Variants in MYCBP2 observed in about 807,000 individuals in gnomAD.
The protein encoded by MYCBP2 is E3 ubiquitin-protein ligase MYCBP2.
MYCBP2 carries 120 observed loss-of-function variants against 525.3 expected under a neutral mutation model. The observed-to-expected ratio is 0.23, with a 90% confidence interval of 0.20 to 0.27. The LOEUF (loss-of-function observed/expected upper bound fraction) is 0.27. Among genes scored for constraint, MYCBP2 ranks in the 10% least tolerant of loss-of-function variants. The probability of loss-of-function intolerance (pLI) is 1.00; values close to 1 mark genes in which losing one functional copy is unlikely to be tolerated. For synonymous variants in MYCBP2, 1,894 were observed against 1,955.8 expected (o/e 0.97, Z 0.83); for missense variants, 4,149 against 5,657.1 (o/e 0.73, Z 8.55).
chr13:77,129,128 A>G, intron 52 of MYCBP2: 1 of 397,520 alleles, frequency 2.5e-6, no homozygotes, highest in Non-Finnish European at 4.4e-6. Flanking sequence ...CCTGAATAAA[A>G]TATTATTGTT....
In MYCBP2 at chr13:77,205,260, A is replaced by C; in HGVS notation, c.3839T>G (p.Ile1280Ser). 6.3e-7 allele frequency: 1 copy of C among 1,585,034 alleles called. No homozygotes were observed. Residue 1280 changes from isoleucine (I) to serine (S), a missense_variant, in exon 26 of 83, where the codon ATT (isoleucine) becomes AGT (serine). Ile to Ser is a moderately radical substitution (Grantham distance 142). Transcript: ENST00000544440. ...AACATTGTTGATGAACTTTACCTTA[A>C]TTTTAGCAGTATATTCTCCTCTACC... The part of the protein sequence containing the change: ...FGGRGEYTAK[I>S]KLFELGPDGG...
chr13:77,111,573 T>G (rs2048828858), intron 55 of MYCBP2, among the ~76,000 whole-genome samples: 1 of 126,496 alleles, frequency 7.9e-6, no homozygotes, highest in African/African-American at 2.7e-5. Context: ...CAGCCCTCAA[T>G]GCTTGGCTAA....
rs761010651 is a variant in MYCBP2, at chr13:77,070,717, C to CA, written c.11824-7dup. Reference sequence around the variant, plus strand: ...AGGTCAGCATCTGATGTTGCCTTTACATAGAAAAAGAAAAAAAAAAAAAAG... The same window carrying CA: ...AGGTCAGCATCTGATGTTGCCTTTACAATAGAAAAAGAAAAAAAAAAAAAAG... On this transcript the variant is annotated splice_polypyrimidine_tract_variant and splice_region_variant and intron_variant, in intron 68 of 82. Transcript: ENST00000544440. 1.4e-6 allele frequency: 2 copies of CA among 1,455,590 alleles called. No individual in the cohort carries two copies. Among genetic ancestry groups the CA allele is most frequent in the Non-Finnish European group, 1.8e-6 (2 of 1,083,102 alleles). 90.2% of individuals were successfully genotyped at this position (1,455,590 alleles called of 1,614,324 possible).
In MYCBP2 at chr13:77,156,169, C is replaced by T; in HGVS notation, c.6804G>A (p.Gln2268=). Residue 2268 remains glutamine, a synonymous_variant, in exon 46 of 83, where the codon CAG becomes CAA. Coordinates refer to ENST00000544440, the MANE Select transcript of MYCBP2 (RefSeq NM_015057.5). ...CCTTATTCAGGATCAAAGATGTTTT[C>T]TGAGGATCCGCATATGAATCTGGCT... The part of the protein sequence containing the change: ...WLQPDSYADP[Q]KTSLILNKDD... 6.2e-7 allele frequency: 1 copy of T among 1,613,878 alleles called. No homozygotes were observed. Among genetic ancestry groups the T allele is most frequent in the African/African-American group, 1.3e-5 (1 of 75,036 alleles).
chr13:77,130,649 G>A (rs2052602553), intron 52 of MYCBP2, among the ~76,000 whole-genome samples: 1 of 152,072 alleles, frequency 6.6e-6, no homozygotes, highest in South Asian at 2.1e-4. Flanking sequence ...GCATTTTGAA[G>A]TGCTATGTTT....
At chr13:77,255,320 C>T (rs1469977887) in intron 14 of MYCBP2, among the ~76,000 whole-genome samples, 1 of 151,902 alleles carries the variant, frequency 6.6e-6, no homozygotes, top group Non-Finnish European at 1.5e-5. Flanking sequence ...TCTTACTTTA[C>T]TCATCTGCTT....
intron 62 of MYCBP2, 77 bp downstream of exon 62, chr13:77,087,407 C>G: frequency 1.6e-6 from 2 of 1,219,876 alleles, no homozygotes; most frequent in Non-Finnish European, 1.2e-6. Flanking sequence ...TGATTTCATG[C>G]AAATTATTGG....
intron 4 of MYCBP2, among the ~76,000 whole-genome samples, chr13:77,275,950 T>C (rs1421652219): frequency 1.3e-5 from 2 of 152,072 alleles, no homozygotes; most frequent in Non-Finnish European, 2.9e-5. Flanking sequence ...CACCACTGCA[T>C]TCCAGCCTGG....
chr13:77,256,759 G>T (rs1411225435), intron 14 of MYCBP2, among the ~76,000 whole-genome samples: 21 of 152,032 alleles, frequency 1.4e-4, no homozygotes. Context: ...GGAGAAAAGG[G>T]AACACTTGTA....
At chr13:77,261,471 AAAAT>A in intron 11 of MYCBP2, 96 bp from the exon 12 acceptor site, 3 of 914,162 alleles carry the variant, frequency 3.3e-6, no homozygotes, top group Non-Finnish European at 4.8e-6. Flanking sequence ...ATTTTATTGA[AAAAT>A]AAAATTCACA....
intron 51 of MYCBP2, among the ~76,000 whole-genome samples, chr13:77,139,601 T>C (rs1407373691): frequency 6.6e-6 from 1 of 152,170 alleles, no homozygotes; most frequent in Non-Finnish European, 1.5e-5. Context: ...TTAAGATACA[T>C]AAACAGTAAA....
intron 52 of MYCBP2, among the ~76,000 whole-genome samples, chr13:77,131,113 AATTCACACTGGTTTACCCTAAGATT>A (rs1211393267): frequency 3.3e-5 from 5 of 152,210 alleles, no homozygotes; most frequent in African/African-American, 4.8e-5. Context: ...GAAAATTCTT[AATTCACACTGGTTTACCCTAAGATT>A]ATTTTCAAAA....
At chr13:77,123,485 T>C (rs374723349) in intron 54 of MYCBP2, among the ~76,000 whole-genome samples, 4 of 152,240 alleles carry the variant, frequency 2.6e-5, no homozygotes, top group Non-Finnish European at 5.9e-5. Flanking sequence ...GAAGGCATTT[T>C]GCATTTTAAC....
Position 77,243,998 on chromosome 13 carries a change from C to T in MYCBP2, c.2382-47G>A, listed in dbSNP as rs745600920. The stretch of plus-strand genomic sequence containing the variant: ...AAAAAAAAAGACAACTGAGATATTC[C>T]TAATTTGTCTTTAAAACTCTTTTCT... On this transcript the variant is annotated intron_variant, in intron 15 of 82. Coordinates refer to ENST00000544440, the MANE Select transcript of MYCBP2 (RefSeq NM_015057.5). 5 of 1,461,132 alleles carry T rather than the reference C, an allele frequency of 3.4e-6. No homozygotes were observed. In the Admixed American group the frequency reaches 1.3e-4, roughly 38 times the overall value. The allele number at this position is 1,461,132 out of a possible 1,614,324, so 90.5% of individuals were successfully genotyped here. A position where few individuals can be genotyped will look rare whatever the true frequency, so the allele number is the denominator to read the frequency against.
At chr13:77,209,956 C>T (rs979323399) in intron 23 of MYCBP2, among the ~76,000 whole-genome samples, 1 of 152,162 alleles carries the variant, frequency 6.6e-6, no homozygotes, top group Non-Finnish European at 1.5e-5. Flanking sequence ...GATGAGAATG[C>T]AAGCAGGCAT....
intron 8 of MYCBP2, among the ~76,000 whole-genome samples, chr13:77,265,316 A>T (rs1489555340): frequency 6.6e-6 from 1 of 152,148 alleles, no homozygotes; most frequent in African/African-American, 2.4e-5. Context: ...TAAACTAAAA[A>T]GCAAAGAAGA....
chr13:77,291,054 T>C (rs112777445), intron 2 of MYCBP2, among the ~76,000 whole-genome samples: 8,564 of 152,254 alleles, frequency 0.056, 381 homozygotes, highest in Admixed American at 0.14. Context: ...TGTTCATGGA[T>C]TGGAAAATTC....
chr13:77,078,796 A>G (rs769134525), intron 66 of MYCBP2, 28 bp downstream of exon 66: 1 of 1,602,596 alleles, frequency 6.2e-7, no homozygotes, highest in Non-Finnish European at 8.5e-7. Flanking sequence ...CTAGGTAGCG[A>G]AACATTTAAT....
Position 77,058,278 on chromosome 13 carries a change from G to A in MYCBP2, c.13269C>T (p.Asp4423=), listed in dbSNP as rs756368403. 41 of 1,614,064 alleles carry A rather than the reference G, an allele frequency of 2.5e-5. No homozygotes were observed. Among genetic ancestry groups the A allele is most frequent in the Middle Eastern group, 1.6e-4 (1 of 6,084 alleles). The change falls in exon 78 of 83, where the codon GAC becomes GAT. Residue 4423 remains aspartate, a synonymous_variant. Coordinates refer to ENST00000544440, the MANE Select transcript of MYCBP2 (RefSeq NM_015057.5). This position sits in a 1 kb window ranked among gnomAD's most constrained non-coding sequence, Gnocchi z 4.1. ...AACATATCATGCACATGTCATCGGCGTCTTGCTTCAGGCTTGTGGCACTTT... is the reference window on the plus strand; with the variant it reads ...AACATATCATGCACATGTCATCGGCATCTTGCTTCAGGCTTGTGGCACTTT... The part of the protein sequence containing the change: ...CDKSATSLKQ[D]ADDMCMICFT...
Sources: allele counts gnomAD v4.1 joint callset (sites outside exome capture counted in the v4.1 genomes callset), GRCh38; gene constraint gnomAD v4.1.1; non-coding constraint Gnocchi (gnomAD v3.1); transcripts MANE v1.5; gene names NCBI Gene and HGNC (gene_info 2026-07-23, HGNC 2026-07-21).